The following MYRIP variants were observed in gnomAD, a reference collection of about 807,000 sequenced individuals.
The protein encoded by MYRIP is myosin VIIA and Rab interacting protein, also known as rab effector MyRIP.
A neutral mutation model predicts 98.0 loss-of-function variants in MYRIP; 49 were observed. The ratio of observed to expected loss-of-function variants is 0.50; its 90% CI spans 0.40 to 0.63. MYRIP has a LOEUF of 0.63. MYRIP is among the 30% of genes least tolerant of loss of function. The probability of loss-of-function intolerance (pLI) is 0.00; values close to 1 mark genes in which losing one functional copy is unlikely to be tolerated. For missense variants in MYRIP, 1,004 were observed against 1,058.2 expected (o/e 0.95, Z 0.71); for synonymous variants, 404 against 409.5 (o/e 0.99, Z 0.16).
intron 3 of MYRIP, among the ~76,000 whole-genome samples, chr3:40,061,561 T>C (rs1948015212): frequency 6.6e-6 from 1 of 152,242 alleles, no homozygotes; most frequent in Non-Finnish European, 1.5e-5. Flanking sequence ...GTATGTGTCT[T>C]TATGGTAGAA....
chr3:39,887,348 A>G (rs911139581), intron 1 of MYRIP, among the ~76,000 whole-genome samples: 32 of 151,974 alleles, frequency 2.1e-4, no homozygotes, highest in Non-Finnish European at 2.9e-4. Context: ...TCAGAGCAGA[A>G]CTGAAGGAAA....
At chr3:40,026,143 C>T (rs1168486219) in intron 2 of MYRIP, among the ~76,000 whole-genome samples, 1 of 152,038 alleles carries the variant, frequency 6.6e-6, no homozygotes, top group East Asian at 1.9e-4. Context: ...TATAGACCTC[C>T]CCCCAGGAAT....
chr3:40,107,306 A>C (rs1460872537), intron 3 of MYRIP, among the ~76,000 whole-genome samples: 1 of 152,184 alleles, frequency 6.6e-6, no homozygotes, highest in Non-Finnish European at 1.5e-5. Context: ...AGCTTGGTTT[A>C]ATGCTCTGCT....
At chr3:40,209,786 A>G in intron 10 of MYRIP, 68 bp from the exon 11 acceptor site, 1 of 1,592,120 alleles carries the variant, frequency 6.3e-7, no homozygotes, top group Non-Finnish European at 8.6e-7. Context: ...CTCAGGGGTT[A>G]TTGGGAACAA....
At chr3:39,989,632 A>C (rs9858936) in intron 2 of MYRIP, among the ~76,000 whole-genome samples, 1 of 151,566 alleles carries the variant, frequency 6.6e-6, no homozygotes, top group Non-Finnish European at 1.5e-5. Context: ...GAATAAGTCT[A>C]CTGGTCTGCA....
At chr3:39,902,550 A>C (rs1943767737) in intron 2 of MYRIP, among the ~76,000 whole-genome samples, 1 of 152,182 alleles carries the variant, frequency 6.6e-6, no homozygotes, top group Non-Finnish European at 1.5e-5. Context: ...GTGTGCCCTA[A>C]ACCTCTGTGG....
intron 2 of MYRIP, among the ~76,000 whole-genome samples, chr3:39,986,141 A>C (rs542804577): frequency 6.6e-5 from 10 of 152,126 alleles, no homozygotes; most frequent in Non-Finnish European, 1.3e-4. Flanking sequence ...GCACAAATTG[A>C]TATTACTATT....
intron 2 of MYRIP, among the ~76,000 whole-genome samples, chr3:40,005,872 A>C (rs1946621874): frequency 6.6e-6 from 1 of 152,244 alleles, no homozygotes; most frequent in African/African-American, 2.4e-5. Context: ...ACATATATAT[A>C]ATTAGAAATT....
chr3:40,244,923 C>G (rs1953141574), intron 13 of MYRIP, among the ~76,000 whole-genome samples: 1 of 152,186 alleles, frequency 6.6e-6, no homozygotes, highest in African/African-American at 2.4e-5. Context: ...CAAGACCATC[C>G]TTTTCTGACC....
At chr3:39,887,623 A>G (rs1421736133) in intron 1 of MYRIP, among the ~76,000 whole-genome samples, 1 of 152,194 alleles carries the variant, frequency 6.6e-6, no homozygotes, top group Non-Finnish European at 1.5e-5. Context: ...GGCACAAGAC[A>G]GGGATGCCCT....
At chr3:40,112,933 C>T (rs1354942610) in intron 3 of MYRIP, among the ~76,000 whole-genome samples, 2 of 152,168 alleles carry the variant, frequency 1.3e-5, no homozygotes, top group African/African-American at 4.8e-5. Context: ...TATTATATCC[C>T]TCCTTTCTCT....
rs578089921 is a variant in MYRIP at position 40,186,204 on chromosome 3, C to T, written c.1028-3622C>T. Among the ~76,000 whole-genome samples, 39 of 152,240 alleles carry T rather than the reference C, an allele frequency of 2.6e-4. No homozygotes were observed. In the South Asian group the frequency reaches 7.5e-3, roughly 29 times the overall value. On this transcript the variant is annotated intron_variant, in intron 9 of 16. Coordinates refer to ENST00000302541, the MANE Select transcript of MYRIP (RefSeq NM_015460.4). ...TGAAAGATGGTCCAGAGAGCAGCCT[C>T]AGTGACAGATTAGAAGGCCCAGAGG... is the stretch of plus-strand genomic sequence containing the variant.
intron 1 of MYRIP, among the ~76,000 whole-genome samples, chr3:39,894,350 A>T (rs1310591504): frequency 2.0e-5 from 3 of 152,134 alleles, no homozygotes; most frequent in African/African-American, 7.2e-5. Context: ...ATTCTAAACT[A>T]GTTTTGCCTG....
chr3:40,218,874 T>G (rs1222242533), intron 11 of MYRIP, among the ~76,000 whole-genome samples: 1 of 151,876 alleles, frequency 6.6e-6, no homozygotes, highest in Non-Finnish European at 1.5e-5. Context: ...TAATGAGATT[T>G]TTTGCAAACT....
At chr3:40,004,741 C>A (rs772227331) in intron 2 of MYRIP, among the ~76,000 whole-genome samples, 13 of 152,118 alleles carry the variant, frequency 8.5e-5, no homozygotes, top group Non-Finnish European at 1.6e-4. Context: ...TATGGTTTTT[C>A]ATTCCTGAGT....
At chr3:39,920,099 G>C (rs1331761582) in intron 2 of MYRIP, among the ~76,000 whole-genome samples, 1 of 151,214 alleles carries the variant, frequency 6.6e-6, no homozygotes, top group Admixed American at 6.6e-5. Context: ...ATGTTCCTTT[G>C]ACTATGAAAA....
chr3:40,091,199 GGGGTC>G (rs1948731259), intron 3 of MYRIP, among the ~76,000 whole-genome samples: 1 of 152,004 alleles, frequency 6.6e-6, no homozygotes, highest in South Asian at 2.1e-4. Context: ...AGCCACTGAA[GGGGTC>G]AACTATTAAC....
chr3:39,933,739 G>T (rs1366232189), intron 2 of MYRIP, among the ~76,000 whole-genome samples: 1 of 152,192 alleles, frequency 6.6e-6, no homozygotes, highest in Non-Finnish European at 1.5e-5. Context: ...AAAGGGATAA[G>T]ATATACTATT....
At chr3:40,074,503 A>G (rs1948300606) in intron 3 of MYRIP, among the ~76,000 whole-genome samples, 1 of 152,228 alleles carries the variant, frequency 6.6e-6, no homozygotes. Context: ...AGGAAATTTT[A>G]TAGTATTAAA....
Sources: allele counts gnomAD v4.1 joint callset (sites outside exome capture counted in the v4.1 genomes callset), GRCh38; gene constraint gnomAD v4.1.1; transcripts MANE v1.5; gene names NCBI Gene and HGNC (gene_info 2026-07-23, HGNC 2026-07-21).